The following TMEM38B variants were observed in gnomAD, a reference collection of about 807,000 sequenced individuals.
TMEM38B encodes the protein trimeric intracellular cation channel type B.
TMEM38B carries 24 observed loss-of-function variants against 28.7 expected under a neutral mutation model. The observed-to-expected ratio is 0.84, with a 90% CI of 0.61 to 1.18. The LOEUF is 1.18. TMEM38B is among the 50% of genes most tolerant of loss of function. TMEM38B has a pLI of 0.00. For missense variants in TMEM38B, 380 were observed against 350.9 expected (o/e 1.08, Z -0.66); for synonymous variants, 131 against 127.7 (o/e 1.03, Z -0.17).
At chr9:105,766,786 A>G (rs1826388672) in intron 5 of TMEM38B, among the ~76,000 whole-genome samples, 1 of 151,752 alleles carries the variant, frequency 6.6e-6, no homozygotes, top group South Asian at 2.1e-4. Flanking sequence ...ACATGTGCAC[A>G]ATATACAGGT....
At chr9:105,757,380 G>A (rs771024255) in intron 5 of TMEM38B, among the ~76,000 whole-genome samples, 21 of 152,156 alleles carry the variant, frequency 1.4e-4, no homozygotes, top group Non-Finnish European at 2.9e-4. Context: ...GAGTTTGCAA[G>A]TGTCTTTTTC....
chr9:105,694,630 G>T lies in TMEM38B; in HGVS notation c.-31G>T, dbSNP rs1055713693. The T allele has an allele frequency of 3.1e-6, 5 of 1,589,186 alleles. No individual in the cohort carries two copies. Among genetic ancestry groups the T allele is most frequent in the Non-Finnish European group, 4.3e-6 (5 of 1,158,658 alleles). On this transcript the variant is annotated 5_prime_UTR_variant, in exon 1 of 6. Transcript: ENST00000374692. ...CGAGCGCGGGGAACCAGTAGCCGCG[G>T]CTGCTTCGGTTGCCGCGGTCGGTGG...
At chr9:105,695,361 C>G (rs1835254345) in intron 1 of TMEM38B, among the ~76,000 whole-genome samples, 1 of 152,238 alleles carries the variant, frequency 6.6e-6, no homozygotes, top group Admixed American at 6.5e-5. Context: ...ACGCAGTGTC[C>G]TAACACCCTG....
chr9:105,710,441 TA>T, intron 2 of TMEM38B: 1 of 1,372,712 alleles, frequency 7.3e-7, no homozygotes, highest in Non-Finnish European at 1.0e-6. Flanking sequence ...GTATCTGTCA[TA>T]ATCATCATAG....
At chr9:105,752,283 G>C (rs73520072) in intron 5 of TMEM38B, among the ~76,000 whole-genome samples, 5 of 152,068 alleles carry the variant, frequency 3.3e-5, no homozygotes, top group Non-Finnish European at 7.4e-5. Context: ...TTCAGACAAG[G>C]AAGGTCTCCC....
chr9:105,740,767 C>T (rs1348748110), intron 4 of TMEM38B, among the ~76,000 whole-genome samples: 3 of 152,030 alleles, frequency 2.0e-5, no homozygotes, highest in Admixed American at 6.5e-5. Flanking sequence ...GTAAAATATA[C>T]GTATTGTGGA....
chr9:105,707,823 C>G (rs140546940), intron 2 of TMEM38B, among the ~76,000 whole-genome samples: 1 of 152,286 alleles, frequency 6.6e-6, no homozygotes, highest in Admixed American at 6.5e-5. Flanking sequence ...GCCACTATCT[C>G]TCACAGATTT....
At chr9:105,766,678 C>T (rs1372347395) in intron 5 of TMEM38B, among the ~76,000 whole-genome samples, 2 of 151,832 alleles carry the variant, frequency 1.3e-5, no homozygotes, top group Non-Finnish European at 2.9e-5. Context: ...TTTTATTCCT[C>T]AAGGTTTTGA....
intron 4 of TMEM38B, among the ~76,000 whole-genome samples, chr9:105,745,091 G>A (rs1837339747): frequency 6.6e-6 from 1 of 152,160 alleles, no homozygotes; most frequent in Non-Finnish European, 1.5e-5. Flanking sequence ...ATAATCCTTT[G>A]AGTATATACC....
intron 3 of TMEM38B, among the ~76,000 whole-genome samples, chr9:105,721,995 AG>A (rs1300080147): frequency 1.3e-5 from 2 of 152,176 alleles, no homozygotes; most frequent in Non-Finnish European, 2.9e-5. Context: ...TAGTTAATTA[AG>A]GTATAGTGCC....
At chr9:105,752,008 GA>G (rs1306194954) in intron 5 of TMEM38B, among the ~76,000 whole-genome samples, 2 of 151,710 alleles carry the variant, frequency 1.3e-5, no homozygotes, top group African/African-American at 2.4e-5. Flanking sequence ...TGGCTTTGGA[GA>G]ATACAAATGT....
chr9:105,754,301 G>A (rs1424413866), intron 5 of TMEM38B, among the ~76,000 whole-genome samples: 1 of 152,100 alleles, frequency 6.6e-6, no homozygotes, highest in Non-Finnish European at 1.5e-5. Context: ...AGATATCTAC[G>A]GAACTCTCCA....
intron 4 of TMEM38B, among the ~76,000 whole-genome samples, chr9:105,746,759 C>A (rs10978233): frequency 0.21 from 31,999 of 152,068 alleles, 5,226 homozygotes; most frequent in East Asian, 0.46. Context: ...CCCATCAGTA[C>A]CTAATTTATT....
intron 2 of TMEM38B, 120 bp downstream of exon 2, chr9:105,705,873 C>T: frequency 2.0e-6 from 2 of 992,286 alleles, no homozygotes; most frequent in Non-Finnish European, 2.9e-6. Context: ...AATGCATCTG[C>T]AAGGAAGGAA....
intron 4 of TMEM38B, among the ~76,000 whole-genome samples, chr9:105,741,541 T>G (rs2133607363): frequency 6.6e-6 from 1 of 152,276 alleles, no homozygotes; most frequent in South Asian, 2.1e-4. Context: ...ATAAGGAACA[T>G]GATATTGGGA....
chr9:105,764,754 A>G (rs1826302133), intron 5 of TMEM38B, among the ~76,000 whole-genome samples: 1 of 151,378 alleles, frequency 6.6e-6, no homozygotes, highest in Non-Finnish European at 1.5e-5. Context: ...TATGGAACCA[A>G]AAAAGAGCCC....
intron 1 of TMEM38B, among the ~76,000 whole-genome samples, chr9:105,699,649 A>G (rs1193800686): frequency 6.6e-6 from 1 of 152,068 alleles, no homozygotes; most frequent in Non-Finnish European, 1.5e-5. Context: ...GAAAGATAAT[A>G]CTCCTCCAGC....
At chr9:105,736,415 C>T (rs893474009) in intron 4 of TMEM38B, among the ~76,000 whole-genome samples, 5 of 151,392 alleles carry the variant, frequency 3.3e-5, no homozygotes, top group African/African-American at 9.7e-5. Context: ...TAAATTCATT[C>T]ATTGGATTCT....
chr9:105,710,726 TGGC>T, intron 2 of TMEM38B: 1 of 621,692 alleles, frequency 1.6e-6, no homozygotes, highest in East Asian at 3.8e-5. Flanking sequence ...CTGGTGTCGT[TGGC>T]TATGTTCCTG....
Sources: gnomAD v4.1 joint callset for allele counts (sites outside exome capture counted in the v4.1 genomes callset) on GRCh38, gnomAD v4.1.1 for gene constraint, MANE v1.5 for transcripts, NCBI Gene and HGNC (gene_info 2026-07-23, HGNC 2026-07-21) for gene names.